The following DCC variants were observed in gnomAD, a reference collection of about 807,000 sequenced individuals.
DCC encodes the protein netrin receptor DCC.
DCC carries 58 observed loss-of-function variants against 172.5 expected under a neutral mutation model. That is an observed-to-expected ratio of 0.34 (90% CI 0.27 to 0.42). The LOEUF (loss-of-function observed/expected upper bound fraction) is 0.42. Ranked by LOEUF, DCC falls within the 10% of genes least tolerant of loss-of-function variation. The pLI is 1.00. For missense variants in DCC, 1,740 were observed against 1,791.0 expected, an observed-to-expected ratio of 0.97 and a Z score of 0.51; for synonymous variants, 709 against 644.5, an observed-to-expected ratio of 1.10 and a Z score of -1.52.
chr18:52,709,873 TTAA>T (rs1319354709), intron 1 of DCC, among the ~76,000 whole-genome samples: 1 of 152,182 alleles, frequency 6.6e-6, no homozygotes, highest in Non-Finnish European at 1.5e-5. Context: ...AATAAGCAAA[TTAA>T]TAAGATTTTT....
intron 9 of DCC, among the ~76,000 whole-genome samples, chr18:53,200,165 C>G (rs1369536756): frequency 6.6e-6 from 1 of 152,128 alleles, no homozygotes; most frequent in Non-Finnish European, 1.5e-5. Context: ...ATGGTACTTA[C>G]TGCCTGATAT....
intron 9 of DCC, among the ~76,000 whole-genome samples, chr18:53,181,852 T>A (rs73461529): frequency 0.024 from 3,600 of 152,264 alleles, 51 homozygotes; most frequent in Middle Eastern, 0.027. Flanking sequence ...ATACAAACAA[T>A]CTGAGTCACA....
intron 3 of DCC, among the ~76,000 whole-genome samples, chr18:52,911,913 T>G (rs1023485788): frequency 1.3e-5 from 2 of 152,012 alleles, no homozygotes; most frequent in African/African-American, 4.8e-5. Flanking sequence ...ATGAAGTATA[T>G]GATCTTATTG....
chr18:52,725,888 C>T (rs2036544472), intron 1 of DCC, among the ~76,000 whole-genome samples: 1 of 152,152 alleles, frequency 6.6e-6, no homozygotes, highest in South Asian at 2.1e-4. Flanking sequence ...CTTGATCTAC[C>T]ACCACATCTC....
chr18:53,345,733 C>T (rs2057715788), intron 15 of DCC, among the ~76,000 whole-genome samples: 1 of 151,414 alleles, frequency 6.6e-6, no homozygotes, highest in Non-Finnish European at 1.5e-5. Flanking sequence ...AGGATATTTT[C>T]ACTGGATATA....
chr18:52,720,559 C>A (rs1318259928), intron 1 of DCC, among the ~76,000 whole-genome samples: 2 of 152,164 alleles, frequency 1.3e-5, no homozygotes, highest in African/African-American at 2.4e-5. Flanking sequence ...CCAGTATACA[C>A]CACCAGGAAG....
At chr18:53,260,824 G>A (rs1331638169) in intron 12 of DCC, among the ~76,000 whole-genome samples, 1 of 152,146 alleles carries the variant, frequency 6.6e-6, no homozygotes, top group African/African-American at 2.4e-5. Flanking sequence ...AGGCAGGCAG[G>A]CCTCCTTGAA....
At chr18:52,917,437 T>C (rs1406273549) in intron 3 of DCC, among the ~76,000 whole-genome samples, 1 of 152,198 alleles carries the variant, frequency 6.6e-6, no homozygotes, top group Non-Finnish European at 1.5e-5. Flanking sequence ...TTCAAGGGGA[T>C]ATTCAATAAT....
At chr18:52,901,982 G>A (rs907533005) in intron 2 of DCC, among the ~76,000 whole-genome samples, 7 of 152,090 alleles carry the variant, frequency 4.6e-5, no homozygotes, top group Non-Finnish European at 8.8e-5. Flanking sequence ...CAGTAAGTAC[G>A]ACTAGGAAAA....
intron 5 of DCC, among the ~76,000 whole-genome samples, chr18:52,937,213 G>A (rs531742770): frequency 6.6e-6 from 1 of 152,174 alleles, no homozygotes; most frequent in African/African-American, 2.4e-5. Context: ...AATGCAAAGA[G>A]GGAGATTTTT....
chr18:52,726,668 A>G (rs1409713371), intron 1 of DCC, among the ~76,000 whole-genome samples: 1 of 152,182 alleles, frequency 6.6e-6, no homozygotes, highest in Non-Finnish European at 1.5e-5. Flanking sequence ...ACTTTGATCA[A>G]AAGCACAGGC....
intron 8 of DCC, among the ~76,000 whole-genome samples, chr18:53,162,253 C>A (rs564036849): frequency 6.9e-6 from 1 of 145,674 alleles, no homozygotes; most frequent in Non-Finnish European, 1.5e-5. Flanking sequence ...GAGCCGAGAT[C>A]GTGCTACTGC....
intron 26 of DCC, among the ~76,000 whole-genome samples, chr18:53,494,086 C>T (rs2045990475): frequency 6.6e-6 from 1 of 151,956 alleles, no homozygotes; most frequent in South Asian, 2.1e-4. Flanking sequence ...TGTTATTTAC[C>T]CAGTAGTCAT....
chr18:52,927,128 C>CGTGTATACGTGT (rs1568192111), intron 5 of DCC, among the ~76,000 whole-genome samples: 444 of 36,486 alleles, frequency 0.012, 100 homozygotes, highest in Non-Finnish European at 0.027. Context: ...TGTATATACA[C>CGTGTATACGTGT]GTATATACGT....
chr18:53,285,078 G>C (rs1275293643), intron 12 of DCC, among the ~76,000 whole-genome samples: 2 of 152,080 alleles, frequency 1.3e-5, no homozygotes, highest in Non-Finnish European at 2.9e-5. Flanking sequence ...GAAGATAAAA[G>C]TCTGGAAAAT....
intron 9 of DCC, among the ~76,000 whole-genome samples, chr18:53,197,002 C>G (rs911809489): frequency 6.6e-6 from 1 of 151,800 alleles, no homozygotes; most frequent in African/African-American, 2.4e-5. Context: ...GTTGCATTCC[C>G]CATACAGAAT....
rs1031184917 is a variant in DCC at position 52,879,868 on chromosome 18, G to GT, written c.413-26175dup. ...ATTAAATTTCATATATGCTTCACAT[G>GT]TCAGGAAATATTTTTCATTTTAAAT... On this transcript the variant is annotated intron_variant, in intron 2 of 28. Transcript: ENST00000442544. Among the ~76,000 whole-genome samples, 97 of 152,178 alleles carry GT rather than the reference G, an allele frequency of 6.4e-4. 1 individual carries two copies. Among genetic ancestry groups the GT allele is most frequent in the African/African-American group, 2.2e-3 (91 of 41,506 alleles).
chr18:52,733,351 T>C (rs944401189), intron 1 of DCC, among the ~76,000 whole-genome samples: 9 of 152,176 alleles, frequency 5.9e-5, no homozygotes, highest in Non-Finnish European at 1.0e-4. Context: ...TTGGTGATAT[T>C]TCTTGGTTCA....
At chr18:53,189,610 A>C (rs951633106) in intron 9 of DCC, among the ~76,000 whole-genome samples, 1 of 152,338 alleles carries the variant, frequency 6.6e-6, no homozygotes, top group Admixed American at 6.5e-5. Flanking sequence ...AAATGTTGGT[A>C]TTAACAGACA....
Sources: gnomAD v4.1 joint callset for allele counts (sites outside exome capture counted in the v4.1 genomes callset) on GRCh38, gnomAD v4.1.1 for gene constraint, MANE v1.5 for transcripts, NCBI Gene and HGNC (gene_info 2026-07-23, HGNC 2026-07-21) for gene names.